SGCD: variants seen among roughly 807,000 people sequenced by gnomAD.
SGCD encodes sarcoglycan delta.
In SGCD, 18 loss-of-function variants were observed where a neutral mutation model predicts 36.6. The ratio of observed to expected loss-of-function variants is 0.49; its 90% CI spans 0.34 to 0.73. SGCD has a LOEUF of 0.73. Among genes scored for constraint, SGCD ranks in the 30% least tolerant of loss-of-function variants. The pLI is 0.01. For synonymous variants in SGCD, 133 were observed against 130.6 expected, an observed-to-expected ratio of 1.02 and a Z score of -0.12; for missense variants, 387 against 346.7, an observed-to-expected ratio of 1.12 and a Z score of -0.92.
chr5:156,623,091 A>G (rs1342343148), intron 6 of SGCD, among the ~76,000 whole-genome samples: 1 of 152,138 alleles, frequency 6.6e-6, no homozygotes, highest in African/African-American at 2.4e-5. Context: ...TTGTTGTATT[A>G]TATGATATGT....
intron 7 of SGCD, among the ~76,000 whole-genome samples, chr5:156,711,265 GT>G (rs1371252704): frequency 6.6e-6 from 1 of 152,100 alleles, no homozygotes; most frequent in Non-Finnish European, 1.5e-5. Context: ...GCTTTACAGT[GT>G]TTTCCCCATA....
intron 1 of SGCD, among the ~76,000 whole-genome samples, chr5:156,111,476 G>A (rs967778194): frequency 6.6e-6 from 1 of 152,148 alleles, no homozygotes; most frequent in African/African-American, 2.4e-5. Flanking sequence ...TCATCTATAA[G>A]GTAGACAATG....
intron 3 of SGCD, among the ~76,000 whole-genome samples, chr5:156,463,862 A>G (rs1002571006): frequency 6.6e-6 from 1 of 152,088 alleles, no homozygotes; most frequent in Non-Finnish European, 1.5e-5. Flanking sequence ...AGGCATGGAC[A>G]GGAGGATTGC....
chr5:156,580,849 C>A (rs1449012842), intron 4 of SGCD, among the ~76,000 whole-genome samples: 3 of 152,268 alleles, frequency 2.0e-5, no homozygotes, highest in Admixed American at 1.3e-4. Flanking sequence ...TTCGAACATC[C>A]TCCTATAGCT....
intron 1 of SGCD, among the ~76,000 whole-genome samples, chr5:155,997,265 A>C (rs1455390201): frequency 6.6e-6 from 1 of 152,248 alleles, no homozygotes; most frequent in Non-Finnish European, 1.5e-5. Context: ...GAAAGCTGAT[A>C]TCACACTGCT....
chr5:156,546,166 A>G (rs1245433568), intron 4 of SGCD, among the ~76,000 whole-genome samples: 5 of 152,240 alleles, frequency 3.3e-5, no homozygotes, highest in Non-Finnish European at 7.3e-5. Context: ...TGCCAAATTA[A>G]GTTGACCATG....
At chr5:156,473,178 T>G (rs1472886138) in intron 3 of SGCD, among the ~76,000 whole-genome samples, 1 of 152,198 alleles carries the variant, frequency 6.6e-6, no homozygotes, top group Non-Finnish European at 1.5e-5. Flanking sequence ...ACTTACCACC[T>G]GTACTTAATG....
chr5:156,333,878 G>A (rs188820162), intron 2 of SGCD, among the ~76,000 whole-genome samples: 359 of 118,982 alleles, frequency 3.0e-3, no homozygotes, highest in Non-Finnish European at 4.0e-3. Context: ...TGAAAGTAAT[G>A]TGAAACCAGG....
chr5:156,043,246 G>C (rs112631103), intron 1 of SGCD, among the ~76,000 whole-genome samples: 126 of 152,216 alleles, frequency 8.3e-4, no homozygotes, highest in Admixed American at 1.3e-3. Context: ...TTAGAGCATG[G>C]AACAGAGCCA....
chr5:156,068,481 C>T (rs187671428), intron 1 of SGCD, among the ~76,000 whole-genome samples: 2,796 of 152,086 alleles, frequency 0.018, 83 homozygotes, highest in African/African-American at 0.063. Flanking sequence ...CATAGTATTC[C>T]ATGGTGTATA....
At chr5:155,940,714 A>G (rs1291377661) in intron 1 of SGCD, among the ~76,000 whole-genome samples, 5 of 152,092 alleles carry the variant, frequency 3.3e-5, no homozygotes, top group African/African-American at 1.2e-4. Context: ...GTGTGGTGGC[A>G]CATGCCTGTA....
intron 3 of SGCD, among the ~76,000 whole-genome samples, chr5:156,282,066 C>G (rs902387184): frequency 1.3e-5 from 2 of 152,032 alleles, no homozygotes; most frequent in African/African-American, 4.8e-5. Flanking sequence ...GTAGTTTTAC[C>G]ATACATCTGA....
At chr5:155,948,295 A>G (rs1463864982) in intron 1 of SGCD, among the ~76,000 whole-genome samples, 1 of 152,106 alleles carries the variant, frequency 6.6e-6, no homozygotes, top group Non-Finnish European at 1.5e-5. Context: ...TACTACTAAT[A>G]ATAATAATAA....
At chr5:156,657,440 C>T (rs1763736571) in intron 7 of SGCD, among the ~76,000 whole-genome samples, 1 of 138,874 alleles carries the variant, frequency 7.2e-6, no homozygotes. Flanking sequence ...TGTTCCCCTT[C>T]CTGTGTCCAT....
chr5:155,803,078 A>T, the SGCD span, among the ~76,000 whole-genome samples: 1 of 152,374 alleles, frequency 6.6e-6, no homozygotes, highest in African/African-American at 2.4e-5. Context: ...ATCCAGATAT[A>T]GTCCCTTTCT....
At chr5:155,805,137 A>T in the SGCD span, among the ~76,000 whole-genome samples, 1 of 152,242 alleles carries the variant, frequency 6.6e-6, no homozygotes, top group Non-Finnish European at 1.5e-5. Context: ...TTAGGAAATT[A>T]TGATGAAAGA....
At chr5:155,899,162 T>TA (rs1161369622) in intron 1 of SGCD, among the ~76,000 whole-genome samples, 1 of 152,206 alleles carries the variant, frequency 6.6e-6, no homozygotes, top group Non-Finnish European at 1.5e-5. Flanking sequence ...CTAATGATTT[T>TA]ATAGGCCATT....
At chr5:156,677,209 T>C (rs1309514689) in intron 7 of SGCD, among the ~76,000 whole-genome samples, 1 of 152,192 alleles carries the variant, frequency 6.6e-6, no homozygotes, top group Non-Finnish European at 1.5e-5. Flanking sequence ...TAAAGACACA[T>C]GCACACGTAT....
intron 1 of SGCD, among the ~76,000 whole-genome samples, chr5:155,977,544 T>C (rs1190159624): frequency 6.6e-6 from 1 of 152,204 alleles, no homozygotes; most frequent in East Asian, 1.9e-4. Context: ...CATTTTTCCC[T>C]ATTAATGTGA....
Sources: allele counts gnomAD v4.1 joint callset (sites outside exome capture counted in the v4.1 genomes callset), GRCh38; gene constraint gnomAD v4.1.1; transcripts MANE v1.5; gene names NCBI Gene and HGNC (gene_info 2026-07-23, HGNC 2026-07-21).